CDH23: variants seen among roughly 807,000 people sequenced by gnomAD.
CDH23 encodes the protein cadherin related 23.
Under a neutral mutation model 317.1 loss-of-function variants are expected in CDH23, and 189 were observed. The observed-to-expected ratio is 0.60, with a 90% CI of 0.53 to 0.67. The LOEUF is 0.67. Ranked by LOEUF, CDH23 falls within the 30% of genes least tolerant of loss-of-function variation. The probability of loss-of-function intolerance (pLI) is 0.00; values close to 1 mark genes in which losing one functional copy is unlikely to be tolerated. For synonymous variants in CDH23, 1,839 were observed against 1,876.8 expected (o/e 0.98, Z 0.52); for missense variants, 4,401 against 4,592.4 (o/e 0.96, Z 1.20).
chr10:71,731,668 C>T (rs1379017855), intron 31 of CDH23, among the ~76,000 whole-genome samples: 1 of 152,164 alleles, frequency 6.6e-6, no homozygotes, highest in African/African-American at 2.4e-5. Flanking sequence ...TCCCCCAATG[C>T]TTGTATGTCC....
At chr10:71,775,989 C>A in intron 38 of CDH23, among the ~76,000 whole-genome samples, 1 of 152,242 alleles carries the variant, frequency 6.6e-6, no homozygotes, top group African/African-American at 2.4e-5. Context: ...GGCTGAATTC[C>A]AGCCTCCCTG....
intron 9 of CDH23, among the ~76,000 whole-genome samples, chr10:71,599,411 T>G (rs72813961): frequency 0.026 from 3,957 of 152,262 alleles, 70 homozygotes; most frequent in Non-Finnish European, 0.044. Flanking sequence ...AATCATTTAT[T>G]TTATTTAGGG....
At chr10:71,484,513 C>T (rs561950376) in intron 3 of CDH23, among the ~76,000 whole-genome samples, 2 of 152,292 alleles carry the variant, frequency 1.3e-5, no homozygotes, top group East Asian at 1.9e-4. Flanking sequence ...TGGGCCCCGG[C>T]GTTTGTGTGG....
At chr10:71,742,088 T>C in intron 38 of CDH23, 167 bp downstream of exon 38, 1 of 650,292 alleles carries the variant, frequency 1.5e-6, no homozygotes, top group South Asian at 2.0e-5. Flanking sequence ...TGGCCTCCCC[T>C]TACGGAGGCC....
Position 71,510,242 on chromosome 10 carries a change from C to T in CDH23, c.288+18C>T. 1.2e-6 allele frequency: 2 copies of T among 1,610,698 alleles called. No individual in the cohort carries two copies. Among genetic ancestry groups the T allele is most frequent in the Non-Finnish European group, 8.5e-7 (1 of 1,178,404 alleles). On this transcript the variant is annotated intron_variant, in intron 4 of 69. Coordinates refer to ENST00000224721, the MANE Select transcript of CDH23 (RefSeq NM_022124.6). ...ACAGAGAGGTATGACTTGCCCATAC[C>T]CCTGCCCCAATTCTCTCCTGGGGAC...
At chr10:71,595,734 C>T (rs1859796819) in intron 9 of CDH23, among the ~76,000 whole-genome samples, 1 of 152,208 alleles carries the variant, frequency 6.6e-6, no homozygotes, top group African/African-American at 2.4e-5. Context: ...GAGTCATTGC[C>T]TCCCACTGTA....
At chr10:71,476,657 T>G (rs1851810068) in intron 3 of CDH23, among the ~76,000 whole-genome samples, 1 of 152,226 alleles carries the variant, frequency 6.6e-6, no homozygotes, top group African/African-American at 2.4e-5. Context: ...TGATTTCAAG[T>G]GTGCAATATA....
intron 34 of CDH23, chr10:71,737,684 T>TAAAA: frequency 2.1e-6 from 1 of 469,536 alleles, no homozygotes; most frequent in Non-Finnish European, 4.4e-6. Flanking sequence ...AAACCTGAGC[T>TAAAA]CCTCCAACCC....
In CDH23 at chr10:71,812,768, G is replaced by A; in HGVS notation, c.9511G>A (p.Gly3171Arg). Residue 3171 changes from glycine (G) to arginine (R), a missense_variant and splice_region_variant, in exon 68 of 70, where the codon GGA becomes AGA. Gly to Arg is a moderately radical substitution (Grantham distance 125, BLOSUM62 -2). Transcript: ENST00000224721. ...TCCAGCTAACATCCCCTCTCCCCAGGGAACTTTTGGGCGTGAGCCAGCAGC... is the reference window on the plus strand; with the variant it reads ...TCCAGCTAACATCCCCTCTCCCCAGAGAACTTTTGGGCGTGAGCCAGCAGC... ...DLWNSPTRTH[G>R]TFGREPAAVK... is the part of the protein sequence containing the mutation. 1 of 1,613,246 alleles carries A rather than the reference G, an allele frequency of 6.2e-7. No homozygotes were observed. The highest frequency in any genetic ancestry group is 2.2e-5 in the East Asian group (1 of 44,858).
chr10:71,646,447 C>T lies in CDH23; in HGVS notation c.1291-12C>T. On this transcript the variant is annotated splice_polypyrimidine_tract_variant and intron_variant, in intron 13 of 69. Transcript: ENST00000224721. ...GTGGGAGCTTACCTGGGCCCCTGTT[C>T]TGCACCCCCAGCTCTTTGCCAATGA... 1 of 1,612,814 alleles carries T rather than the reference C, an allele frequency of 6.2e-7. No homozygotes were observed. The highest frequency in any genetic ancestry group is 8.5e-7 in the Non-Finnish European group (1 of 1,179,392).
intron 11 of CDH23, among the ~76,000 whole-genome samples, chr10:71,637,244 C>T (rs1012869350): frequency 8.5e-5 from 13 of 152,154 alleles, no homozygotes; most frequent in Admixed American, 7.2e-4. Flanking sequence ...GGGAAACCTG[C>T]GCCCCACGCC....
intron 6 of CDH23, among the ~76,000 whole-genome samples, chr10:71,542,285 G>C (rs1231115857): frequency 6.6e-6 from 1 of 152,212 alleles, no homozygotes; most frequent in East Asian, 1.9e-4. Flanking sequence ...GTGACCTTGG[G>C]CAAGTTACTT....
intron 9 of CDH23, among the ~76,000 whole-genome samples, chr10:71,578,854 C>T (rs1858426279): frequency 6.6e-6 from 1 of 152,226 alleles, no homozygotes; most frequent in African/African-American, 2.4e-5. Flanking sequence ...CCCACTGCCT[C>T]TCCCTACCAT....
At chr10:71,614,226 G>C (rs984314918) in intron 9 of CDH23, among the ~76,000 whole-genome samples, 1 of 152,246 alleles carries the variant, frequency 6.6e-6, no homozygotes, top group African/African-American at 2.4e-5. Flanking sequence ...AGGCTGCAAA[G>C]TGCTTTGGTG....
intron 6 of CDH23, among the ~76,000 whole-genome samples, chr10:71,525,991 C>A (rs1428655088): frequency 6.6e-6 from 1 of 152,232 alleles, no homozygotes; most frequent in African/African-American, 2.4e-5. Flanking sequence ...AGTCCCTGGC[C>A]TCCAGCAGAT....
At chr10:71,403,407 C>CTT (rs1564558214) in intron 1 of CDH23, among the ~76,000 whole-genome samples, 7 of 62,744 alleles carry the variant, frequency 1.1e-4, no homozygotes, top group African/African-American at 2.1e-4. Context: ...TTCTTTCTTT[C>CTT]TCTTCCTTCC....
intron 11 of CDH23, among the ~76,000 whole-genome samples, chr10:71,632,043 T>C (rs923745184): frequency 6.6e-6 from 1 of 152,198 alleles, no homozygotes; most frequent in Non-Finnish European, 1.5e-5. Context: ...CTGTTCTGTA[T>C]CCTGGTTGGA....
intron 2 of CDH23, among the ~76,000 whole-genome samples, chr10:71,443,321 G>T (rs576599385): frequency 6.6e-6 from 1 of 152,276 alleles, no homozygotes; most frequent in African/African-American, 2.4e-5. Flanking sequence ...ATCCGGTGGG[G>T]ACCTTCCCCA....
At chr10:71,690,775 C>A (rs72817938) in intron 20 of CDH23, among the ~76,000 whole-genome samples, 191 bp downstream of exon 20, 1 of 152,190 alleles carries the variant, frequency 6.6e-6, no homozygotes, top group Non-Finnish European at 1.5e-5. Context: ...AAAATCACAA[C>A]GTGAATTGAC....
Sources: allele counts gnomAD v4.1 joint callset (sites outside exome capture counted in the v4.1 genomes callset), GRCh38; gene constraint gnomAD v4.1.1; transcripts MANE v1.5; gene names NCBI Gene and HGNC (gene_info 2026-07-23, HGNC 2026-07-21).